The following MCOLN1 variants were observed in gnomAD, a reference collection of about 807,000 sequenced individuals.
MCOLN1 encodes the protein mucolipin-1.
MCOLN1 carries 50 observed loss-of-function variants against 70.3 expected under a neutral mutation model. The ratio of observed to expected loss-of-function variants is 0.71; its 90% confidence interval spans 0.57 to 0.90. The LOEUF (loss-of-function observed/expected upper bound fraction) is 0.90. Ranked by LOEUF, MCOLN1 falls within the 40% of genes least tolerant of loss-of-function variation. MCOLN1 has a pLI of 0.00. For missense variants in MCOLN1, 598 were observed against 803.5 expected, an observed-to-expected ratio of 0.74 and a Z score of 3.09; for synonymous variants, 366 against 341.0, an observed-to-expected ratio of 1.07 and a Z score of -0.81.
At chr19:7,527,111 C>T (rs531663544) in intron 4 of MCOLN1, 185 bp downstream of exon 4, 28 of 737,340 alleles carry the variant, frequency 3.8e-5, no homozygotes, top group East Asian at 1.1e-4. Flanking sequence ...CTTGTCTCTA[C>T]GCACAAACAA....
At position 7,528,494 on chromosome 19, in the gene MCOLN1, CCAGCCGTG is replaced by C. The variant is rs1404617045; in HGVS notation, c.878-97_878-90del. On this transcript the variant is annotated intron_variant, in intron 7 of 13. Transcript: ENST00000264079. This position sits in a 1 kb window ranked among gnomAD's most constrained non-coding sequence, Gnocchi z 4.2. ...CCCTGAGCCCACTGACCAACCAAAA[CCAGCCGTG>C]CAGCCCCCTAGGTCTCCAGCCTGGC... The C allele has an allele frequency of 6.7e-7, 1 of 1,491,308 alleles. No individual in the cohort carries two copies. Among genetic ancestry groups the C allele is most frequent in the African/African-American group, 1.4e-5 (1 of 71,746 alleles). 92.4% of individuals were successfully genotyped at this position (1,491,308 alleles called of 1,614,324 possible). A position where few individuals can be genotyped will look rare whatever the true frequency, so the allele number is the denominator to read the frequency against.
chr19:7,522,791 C>T lies in MCOLN1; in HGVS notation c.31+10C>T. The stretch of plus-strand genomic sequence containing the variant: ...GGTCCGCGCGGCTCAGGTGAGGGCG[C>T]GGGCGGCACCGTGGGGCCCCGAACT... On this transcript the variant is annotated intron_variant, in intron 1 of 13. Transcript: ENST00000264079. The T allele has an allele frequency of 7.5e-7, 1 of 1,334,652 alleles. No individual in the cohort carries two copies. The highest frequency in any genetic ancestry group is 9.5e-7 in the Non-Finnish European group (1 of 1,047,936). The allele number at this position is 1,334,652 out of a possible 1,614,324, so 82.7% of individuals were successfully genotyped here.
intron 12 of MCOLN1, among the ~76,000 whole-genome samples, chr19:7,530,807 G>T (rs547001263): frequency 1.3e-5 from 2 of 152,242 alleles, no homozygotes; most frequent in African/African-American, 2.4e-5. Context: ...GCAGTGGTGC[G>T]ATCTTGACTC....
At position 7,528,368 on chromosome 19, in the gene MCOLN1, C is replaced by G. The variant is rs901005736; in HGVS notation, c.877+111C>G. 8.9e-7 allele frequency: 1 copy of G among 1,122,344 alleles called. No individual in the cohort carries two copies. The highest frequency in any genetic ancestry group is 2.6e-4 in the Middle Eastern group (1 of 3,776). 69.5% of individuals were successfully genotyped at this position (1,122,344 alleles called of 1,614,324 possible). ...GGGCCGTGACCTCCCCAGGAATCCG[C>G]TGAGCCTCAGATCAGCACAGACCAG... On this transcript the variant is annotated intron_variant, in intron 7 of 13. Coordinates refer to ENST00000264079, the MANE Select transcript of MCOLN1 (RefSeq NM_020533.3). This position sits in a 1 kb window ranked among gnomAD's most constrained non-coding sequence, Gnocchi z 4.2.
At position 7,524,750 on chromosome 19, in the gene MCOLN1, C is replaced by G. The variant is rs1305383864; in HGVS notation, c.32-211C>G. 6.6e-6 allele frequency among the ~76,000 whole-genome samples: 1 copy of G among 152,174 alleles called. No individual in the cohort carries two copies. The highest frequency in any genetic ancestry group is 2.4e-5 in the African/African-American group (1 of 41,430). On this transcript the variant is annotated intron_variant, in intron 1 of 13. Coordinates refer to ENST00000264079, the MANE Select transcript of MCOLN1 (RefSeq NM_020533.3). The surrounding 1 kb of genome is among the most constrained non-coding windows in gnomAD (Gnocchi z 4.1). Reference sequence around the variant, plus strand: ...AGGAATCAGCCCAGGCCCTGTACCTCCCAAACCCAAACTCATAACCTCTGA... The same window carrying G: ...AGGAATCAGCCCAGGCCCTGTACCTGCCAAACCCAAACTCATAACCTCTGA...
chr19:7,526,501 C>T lies in MCOLN1; in HGVS notation c.300C>T (p.Ala100=), dbSNP rs1338861801. 2.5e-6 allele frequency: 4 copies of T among 1,614,256 alleles called. No individual in the cohort carries two copies. The highest frequency in any genetic ancestry group is 1.7e-5 in the Admixed American group (1 of 60,032). Residue 100 remains alanine, a synonymous_variant, in exon 3 of 14, where the codon GCC becomes GCT. Coordinates refer to ENST00000264079, the MANE Select transcript of MCOLN1 (RefSeq NM_020533.3). The surrounding 1 kb of genome is among the most constrained non-coding windows in gnomAD (Gnocchi z 4.6). ...AVTFREENTI[A]FRHLFLLGYS... Reference sequence around the variant, plus strand: ...CATTCCGGGAAGAGAACACCATCGCCTTCCGACACCTCTTCCTGCTGGGCT... The same window carrying T: ...CATTCCGGGAAGAGAACACCATCGCTTTCCGACACCTCTTCCTGCTGGGCT...
chr19:7,522,706 G>A lies in MCOLN1; in HGVS notation c.-45G>A. On this transcript the variant is annotated 5_prime_UTR_variant, in exon 1 of 14. Coordinates refer to ENST00000264079, the MANE Select transcript of MCOLN1 (RefSeq NM_020533.3). ...TGACAGCGGCGGGCGATCGGACCCAGGCTGCCCCGCCGTACCCGCCTGCGT... is the reference window on the plus strand; with the variant it reads ...TGACAGCGGCGGGCGATCGGACCCAAGCTGCCCCGCCGTACCCGCCTGCGT... 7.0e-7 allele frequency: 1 copy of A among 1,438,290 alleles called. No homozygotes were observed. Among genetic ancestry groups the A allele is most frequent in the Non-Finnish European group, 9.1e-7 (1 of 1,099,972 alleles). The allele number at this position is 1,438,290 out of a possible 1,614,324, so 89.1% of individuals were successfully genotyped here.
rs2022606604 is a variant in MCOLN1, at chr19:7,528,575, A to G, written c.878-22A>G. ...AAGGCTCCATGCCATCCTTGGCCCT[A>G]CCCGCTCTGCCCTCCCCGCAGGAGA... On this transcript the variant is annotated intron_variant, in intron 7 of 13. Coordinates refer to ENST00000264079, the MANE Select transcript of MCOLN1 (RefSeq NM_020533.3). The surrounding 1 kb of genome is among the most constrained non-coding windows in gnomAD (Gnocchi z 4.2). 6.2e-7 allele frequency: 1 copy of G among 1,613,600 alleles called. No homozygotes were observed. Among genetic ancestry groups the G allele is most frequent in the Non-Finnish European group, 8.5e-7 (1 of 1,180,002 alleles).
chr19:7,532,895 CA>C (rs1333125422), intron 12 of MCOLN1, among the ~76,000 whole-genome samples: 5 of 152,170 alleles, frequency 3.3e-5, no homozygotes, highest in Admixed American at 6.5e-5. Flanking sequence ...GATGGGAGCC[CA>C]GGGGCAGTGC....
At position 7,528,259 on chromosome 19, in the gene MCOLN1, T is replaced by C; in HGVS notation, c.877+2T>C. The C allele has an allele frequency of 6.2e-7, 1 of 1,613,154 alleles. No homozygotes were observed. The highest frequency in any genetic ancestry group is 8.5e-7 in the Non-Finnish European group (1 of 1,179,142). ...AGCACCCCAGTGTCTTCCAGCACGGTGAGCCCCTGAGCCCCAGACCAGCAC... is the reference window on the plus strand; with the variant it reads ...AGCACCCCAGTGTCTTCCAGCACGGCGAGCCCCTGAGCCCCAGACCAGCAC... On this transcript the variant is annotated splice_donor_variant, in intron 7 of 13. Coordinates refer to ENST00000264079, the MANE Select transcript of MCOLN1 (RefSeq NM_020533.3). LOFTEE classifies it high-confidence loss of function. The surrounding 1 kb of genome is among the most constrained non-coding windows in gnomAD (Gnocchi z 4.2).
intron 11 of MCOLN1, 145 bp from the exon 12 acceptor site, chr19:7,530,141 A>G (rs2022634516): frequency 1.3e-6 from 1 of 785,776 alleles, no homozygotes; most frequent in East Asian, 2.5e-5. Context: ...GACCATTCAC[A>G]TGGTGACCGC....
At chr19:7,523,297 G>A (rs2022521069) in intron 1 of MCOLN1, among the ~76,000 whole-genome samples, 1 of 152,336 alleles carries the variant, frequency 6.6e-6, no homozygotes, top group South Asian at 2.1e-4. Context: ...CGGGCTTCTA[G>A]CCAATTCTGA....
intron 1 of MCOLN1, among the ~76,000 whole-genome samples, chr19:7,523,741 A>T (rs1463901189): frequency 6.6e-6 from 1 of 152,254 alleles, no homozygotes; most frequent in African/African-American, 2.4e-5. Flanking sequence ...GGAAAAAAAT[A>T]AACAGTGATT....
At chr19:7,533,389 T>G in intron 12 of MCOLN1, 134 bp from the exon 13 acceptor site, 1 of 1,177,398 alleles carries the variant, frequency 8.5e-7, no homozygotes, top group South Asian at 1.4e-5. Context: ...GAACAACGGG[T>G]GGAGCAGGCC....
chr19:7,529,505 C>CCCCCCCCCCCCCCCCCCAGGGGG, intron 10 of MCOLN1, 85 bp from the exon 11 acceptor site: 2 of 755,738 alleles, frequency 2.6e-6, no homozygotes, highest in Non-Finnish European at 4.5e-6. Flanking sequence ...GGCAAGGCCC[C>CCCCCCCCCCCCCCCCCCAGGGGG]GCCCCTCCCA....
chr19:7,530,295 C>G lies in MCOLN1; in HGVS notation c.1369C>G (p.Leu457Val). ...GCCGCCCCTCTGGCAGTTCCGCTCACTCTCCATGGTGTCTGAGTGCCTGTT... is the reference window on the plus strand; with the variant it reads ...GCCGCCCCTCTGGCAGTTCCGCTCAGTCTCCATGGTGTCTGAGTGCCTGTT... ...LGPYHVKFRS[L>V]SMVSECLFSL... The change falls in exon 12 of 14, where the codon CTC becomes GTC. Residue 457 changes from leucine (L) to valine (V), a missense_variant. Physicochemically the swap from Leu to Val is conservative, Grantham distance 32. Transcript: ENST00000264079. 1 of 1,613,112 alleles carries G rather than the reference C, an allele frequency of 6.2e-7. No homozygotes were observed. Among genetic ancestry groups the G allele is most frequent in the Non-Finnish European group, 8.5e-7 (1 of 1,180,014 alleles).
Position 7,529,232 on chromosome 19 carries a change from C to T in MCOLN1, c.1236+30C>T, listed in dbSNP as rs200296191. ...GTTTTGCACATGCAGCTGGGCCTTC[C>T]ACATGGTTACTCCACACCCTCCAAA... On this transcript the variant is annotated intron_variant, in intron 10 of 13. Coordinates refer to ENST00000264079, the MANE Select transcript of MCOLN1 (RefSeq NM_020533.3). 2.0e-5 allele frequency: 31 copies of T among 1,563,522 alleles called. No homozygotes were observed. The African/African-American group carries it at 4.0e-4, about 20-fold the overall frequency.
In MCOLN1 at chr19:7,528,018, G is replaced by A; in HGVS notation, c.777+58G>A. ...AGTTCCAGGGCAGGGACCTGGTCAG[G>A]GAGTGTCTTGGGAGCACTGGCCAAG... is the stretch of plus-strand genomic sequence containing the variant. On this transcript the variant is annotated intron_variant, in intron 6 of 13. Coordinates refer to ENST00000264079, the MANE Select transcript of MCOLN1 (RefSeq NM_020533.3). This position sits in a 1 kb window ranked among gnomAD's most constrained non-coding sequence, Gnocchi z 4.2. The A allele has an allele frequency of 6.4e-7, 1 of 1,562,348 alleles. No individual in the cohort carries two copies. The highest frequency in any genetic ancestry group is 1.1e-5 in the South Asian group (1 of 89,992).
In MCOLN1 at chr19:7,528,716, C is replaced by T. The variant is rs376284815; in HGVS notation, c.984+13C>T. 2.5e-5 allele frequency: 40 copies of T among 1,614,058 alleles called. No individual in the cohort carries two copies. Among genetic ancestry groups the T allele is most frequent in the Non-Finnish European group, 3.3e-5 (39 of 1,180,026 alleles). Reference sequence around the variant, plus strand: ...CCTGCTGCAGAACGTGAGGCTTCTGCGTCATGTGTGCTGGTGTCCTCCCCG... The same window carrying T: ...CCTGCTGCAGAACGTGAGGCTTCTGTGTCATGTGTGCTGGTGTCCTCCCCG... On this transcript the variant is annotated intron_variant, in intron 8 of 13. Coordinates refer to ENST00000264079, the MANE Select transcript of MCOLN1 (RefSeq NM_020533.3). This position sits in a 1 kb window ranked among gnomAD's most constrained non-coding sequence, Gnocchi z 4.2.
Sources: gnomAD v4.1 joint callset for allele counts (sites outside exome capture counted in the v4.1 genomes callset) on GRCh38, gnomAD v4.1.1 for gene constraint, Gnocchi (gnomAD v3.1) non-coding constraint, MANE v1.5 for transcripts, NCBI Gene and HGNC (gene_info 2026-07-23, HGNC 2026-07-21) for gene names.